Variants in ECD observed in about 807,000 individuals in gnomAD.
ECD encodes protein ecdysoneless homolog.
ECD carries 59 observed loss-of-function variants against 77.2 expected under a neutral mutation model. The observed-to-expected ratio is 0.76, with a 90% CI of 0.62 to 0.95. The LOEUF (loss-of-function observed/expected upper bound fraction) is 0.95. ECD is among the 40% of genes least tolerant of loss of function. The pLI is 0.00. For synonymous variants in ECD, 233 were observed against 267.4 expected, an observed-to-expected ratio of 0.87 and a Z score of 1.26; for missense variants, 704 against 763.4, an observed-to-expected ratio of 0.92 and a Z score of 0.92.
Position 73,146,283 on chromosome 10 carries a change from G to C in ECD, c.1120C>G (p.Pro374Ala). The change falls in exon 9 of 14, where the codon CCA becomes GCA. Residue 374 changes from proline (P) to alanine (A), a missense_variant. Physicochemically the swap from Pro to Ala is conservative, Grantham distance 27. This residue lies in a region of ECD where 559 missense variants were observed against 583.7 expected (regional missense o/e 0.96). Coordinates refer to ENST00000372979, the MANE Select transcript of ECD (RefSeq NM_007265.3). ...GTCTTAACAATAACTCACCTTTCTG[G>C]CCAGTCTACTGAGAGCTGGAAGTAA... ...ENYFQLSVDW[P>A]ESSLAMSPGE... 6.3e-7 allele frequency: 1 copy of C among 1,598,280 alleles called. No homozygotes were observed. Among genetic ancestry groups the C allele is most frequent in the Non-Finnish European group, 8.6e-7 (1 of 1,168,942 alleles).
chr10:73,141,178 G>A (rs1408862429), intron 9 of ECD, among the ~76,000 whole-genome samples: 2 of 151,874 alleles, frequency 1.3e-5, no homozygotes, highest in African/African-American at 4.8e-5. Flanking sequence ...AGCCAGGATT[G>A]TGCCATTGCA....
At chr10:73,154,011 C>A (rs1383800376) in intron 6 of ECD, among the ~76,000 whole-genome samples, 2 of 152,092 alleles carry the variant, frequency 1.3e-5, no homozygotes, top group Non-Finnish European at 2.9e-5. Context: ...AAGTTTAATG[C>A]AAATATTCCA....
At chr10:73,148,968 T>C (rs1447452305) in intron 7 of ECD, among the ~76,000 whole-genome samples, 1 of 152,206 alleles carries the variant, frequency 6.6e-6, no homozygotes, top group Non-Finnish European at 1.5e-5. Context: ...TGCCTCTCTG[T>C]ATGCATAGCT....
At chr10:73,144,231 C>T (rs1843095516) in intron 9 of ECD, among the ~76,000 whole-genome samples, 1 of 152,046 alleles carries the variant, frequency 6.6e-6, no homozygotes, top group Non-Finnish European at 1.5e-5. Context: ...ACTTTGGTTG[C>T]TTATAATTTT....
At chr10:73,157,845 A>G (rs1235291558) in intron 3 of ECD, among the ~76,000 whole-genome samples, 1 of 152,118 alleles carries the variant, frequency 6.6e-6, no homozygotes, top group Non-Finnish European at 1.5e-5. Context: ...CACATAATCT[A>G]ACTATAGAAA....
chr10:73,140,597 G>A (rs894676841), intron 9 of ECD, among the ~76,000 whole-genome samples: 1 of 152,016 alleles, frequency 6.6e-6, no homozygotes, highest in African/African-American at 2.4e-5. Flanking sequence ...CAGGAGAATT[G>A]CTTGAACCCG....
At chr10:73,154,794 C>T (rs1049988625) in intron 5 of ECD, among the ~76,000 whole-genome samples, 2 of 151,662 alleles carry the variant, frequency 1.3e-5, no homozygotes, top group Admixed American at 6.6e-5. Flanking sequence ...ATTAGCTGGG[C>T]GTGGTGGCAT....
At chr10:73,145,229 T>C (rs1183795219) in intron 9 of ECD, among the ~76,000 whole-genome samples, 17 of 152,046 alleles carry the variant, frequency 1.1e-4, no homozygotes, top group Admixed American at 1.1e-3. Context: ...CCAGACCTGG[T>C]GGTGCATGCC....
chr10:73,146,421 G>T, intron 8 of ECD, 60 bp from the exon 9 acceptor site: 1 of 1,208,806 alleles, frequency 8.3e-7, no homozygotes. Flanking sequence ...AAAAAAATGT[G>T]TTCACCAGCA....
Position 73,134,778 on chromosome 10 carries a change from A to G in ECD, c.1740T>C (p.Asp580=), listed in dbSNP as rs1452261908. The G allele has an allele frequency of 6.2e-7, 1 of 1,614,164 alleles. No individual in the cohort carries two copies. The highest frequency in any genetic ancestry group is 2.2e-5 in the East Asian group (1 of 44,880). ...PVSQTTDNNS[D]EEDSGTGESV... ...ATTCTCCCGTACCAGAATCTTCCTCATCTGAATTGTTATCGGTAGTCTGGG... is the reference window on the plus strand; with the variant it reads ...ATTCTCCCGTACCAGAATCTTCCTCGTCTGAATTGTTATCGGTAGTCTGGG... Residue 580 remains aspartate (D), a synonymous_variant, in exon 14 of 14, where the codon GAT becomes GAC. Coordinates refer to ENST00000372979, the MANE Select transcript of ECD (RefSeq NM_007265.3).
At chr10:73,140,844 A>C (rs958409724) in intron 9 of ECD, among the ~76,000 whole-genome samples, 11 of 151,606 alleles carry the variant, frequency 7.3e-5, no homozygotes, top group East Asian at 1.9e-4. Flanking sequence ...GTCTCTCTCT[A>C]TATATGTATA....
intron 8 of ECD, 96 bp downstream of exon 8, chr10:73,148,180 A>G: frequency 1.4e-6 from 2 of 1,447,006 alleles, no homozygotes; most frequent in Non-Finnish European, 1.9e-6. Context: ...TTCCATAATT[A>G]TGTCATACAT....
In ECD at chr10:73,156,438, C is replaced by T. The variant is rs1299329280; in HGVS notation, c.427G>A (p.Gly143Arg). The T allele has an allele frequency of 1.2e-6, 2 of 1,608,636 alleles. No homozygotes were observed. Among genetic ancestry groups the T allele is most frequent in the Middle Eastern group, 1.7e-4 (1 of 6,028 alleles). ...GGTGCAGGGATAATACACAATTCCC[C>T]ATGGCAGAAAAATACCTGCAAACGG... The part of the protein sequence containing the change: ...NSTNRVFFCH[G>R]ELCIIPAPRK... Residue 143 changes from glycine (G) to arginine (R), a missense_variant, in exon 5 of 14, where the codon GGG (glycine) becomes AGG (arginine). Transcript: ENST00000372979.
chr10:73,143,725 TATC>T (rs1427767421), intron 9 of ECD, among the ~76,000 whole-genome samples: 1 of 152,034 alleles, frequency 6.6e-6, no homozygotes, highest in Non-Finnish European at 1.5e-5. Flanking sequence ...ATAATTAAGT[TATC>T]ATTGACTATA....
Position 73,163,773 on chromosome 10 carries a change from C to G in ECD, c.165G>C (p.Trp55Cys). Residue 55 changes from tryptophan (W) to cysteine (C), a missense_variant, in exon 2 of 14, where the codon TGG becomes TGC. Around this residue, in one of 3 missense-constraint regions of ECD, gnomAD observed 559 missense variants for 583.7 expected, o/e 0.96. Coordinates refer to ENST00000372979, the MANE Select transcript of ECD (RefSeq NM_007265.3). ...RFAPMLVPYI[W>C]QNQPFNLKYK... ...ATTTAAGATTGAAAGGCTGATTCTG[C>G]CAGATGTAGGGGACCAGCATAGGTG... The G allele has an allele frequency of 6.2e-7, 1 of 1,614,120 alleles. No individual in the cohort carries two copies. Among genetic ancestry groups the G allele is most frequent in the South Asian group, 1.1e-5 (1 of 91,072 alleles).
At chr10:73,163,048 G>A (rs1843401922) in intron 2 of ECD, among the ~76,000 whole-genome samples, 1 of 152,162 alleles carries the variant, frequency 6.6e-6, no homozygotes, top group South Asian at 2.1e-4. Context: ...TGCTGCCCAG[G>A]AGTGTCTTGT....
intron 2 of ECD, among the ~76,000 whole-genome samples, chr10:73,163,070 A>G (rs1843402255): frequency 6.6e-6 from 1 of 152,156 alleles, no homozygotes; most frequent in Admixed American, 6.5e-5. Context: ...TGTAAGTCCT[A>G]ATAAACTCAT....
chr10:73,158,452 T>C lies in ECD; in HGVS notation c.324-1797A>G, dbSNP rs904576384. On this transcript the variant is annotated intron_variant, in intron 3 of 13. Coordinates refer to ENST00000372979, the MANE Select transcript of ECD (RefSeq NM_007265.3). The stretch of plus-strand genomic sequence containing the variant: ...AATTTTTATTTATCAATTTTAAAAA[T>C]AGGCTGGGCGCAGTGGCTCACACCT... Among the ~76,000 whole-genome samples the C allele has an allele frequency of 9.2e-5, 14 of 151,490 alleles. 1 individual carries two copies. The highest frequency in any genetic ancestry group is 6.6e-5 in the Admixed American group (1 of 15,212).
At chr10:73,139,771 T>A (rs779980143) in intron 9 of ECD, 34 bp from the exon 10 acceptor site, 1 of 1,392,730 alleles carries the variant, frequency 7.2e-7, no homozygotes, top group Non-Finnish European at 1.0e-6. Flanking sequence ...TATTTCTTCA[T>A]AAGAGAACAT....
Sources: gnomAD v4.1 joint callset for allele counts (sites outside exome capture counted in the v4.1 genomes callset) on GRCh38, gnomAD v4.1.1 for gene constraint, gnomAD v4.1.1 regional missense constraint, MANE v1.5 for transcripts, NCBI Gene and HGNC (gene_info 2026-07-23, HGNC 2026-07-21) for gene names.